The following MOV10L1 variants were observed in gnomAD, a reference collection of about 807,000 sequenced individuals.
The protein encoded by MOV10L1 is Mov10 like RNA helicase 1, also known as RNA helicase Mov10l1.
A neutral mutation model predicts 143.8 loss-of-function variants in MOV10L1; 110 were observed. The observed-to-expected ratio is 0.76, with a 90% CI of 0.66 to 0.90. The LOEUF (loss-of-function observed/expected upper bound fraction) is 0.90. MOV10L1 is among the 40% of genes least tolerant of loss of function. The probability of loss-of-function intolerance (pLI) is 0.00; values close to 1 mark genes in which losing one functional copy is unlikely to be tolerated. For synonymous variants in MOV10L1, 593 were observed against 581.1 expected, an observed-to-expected ratio of 1.02 and a Z score of -0.29; for missense variants, 1,406 against 1,526.8, an observed-to-expected ratio of 0.92 and a Z score of 1.32.
chr22:50,161,352 T>A lies in MOV10L1; in HGVS notation c.3555-16T>A. On this transcript the variant is annotated splice_polypyrimidine_tract_variant and intron_variant, in intron 26 of 26. Coordinates refer to ENST00000262794, the MANE Select transcript of MOV10L1 (RefSeq NM_018995.3). ...GAGCCTGGCTCACTGGCCATCCGCT[T>A]CTCCTCTGTCTACAGCTGTGGCGAG... 6.4e-7 allele frequency: 1 copy of A among 1,562,470 alleles called. No homozygotes were observed. Among genetic ancestry groups the A allele is most frequent in the Middle Eastern group, 1.7e-4 (1 of 5,918 alleles).
chr22:50,108,452 C>G (rs1455722043), intron 4 of MOV10L1: 5 of 753,520 alleles, frequency 6.6e-6, no homozygotes, highest in African/African-American at 3.5e-5. Flanking sequence ...TACCTGAATT[C>G]TAAGGTCTGT....
intron 3 of MOV10L1, among the ~76,000 whole-genome samples, chr22:50,102,052 G>A (rs1038283381): frequency 3.3e-5 from 5 of 152,144 alleles, no homozygotes; most frequent in African/African-American, 1.2e-4. Flanking sequence ...GAGAAGAGAA[G>A]GTGTCCCCTG....
intron 5 of MOV10L1, among the ~76,000 whole-genome samples, chr22:50,113,072 C>A (rs2062066383): frequency 6.6e-6 from 1 of 152,096 alleles, no homozygotes; most frequent in Non-Finnish European, 1.5e-5. Context: ...GGTTTACCTT[C>A]TGGAAAGAGG....
rs1788364297 is a variant in MOV10L1, at chr22:50,116,371, T to A, written c.1260-786T>A. 2.7e-5 allele frequency among the ~76,000 whole-genome samples: 4 copies of A among 147,642 alleles called. No individual in the cohort carries two copies. In the Admixed American group the frequency reaches 2.8e-4, roughly 10 times the overall value. On this transcript the variant is annotated intron_variant, in intron 8 of 26. Transcript: ENST00000262794. ...CTGAGGCAGGAGAATGGCGTGAACC[T>A]GGGAGGCGGAGCTTGCAGTGAGCCG...
intron 13 of MOV10L1, among the ~76,000 whole-genome samples, chr22:50,130,913 T>C (rs2147260735): frequency 6.6e-6 from 1 of 152,354 alleles, no homozygotes; most frequent in East Asian, 1.9e-4. Flanking sequence ...TTTCTTTTTT[T>C]TGAGACGGAG....
intron 8 of MOV10L1, among the ~76,000 whole-genome samples, chr22:50,116,395 C>T (rs111973355): frequency 5.4e-5 from 8 of 147,864 alleles, no homozygotes; most frequent in African/African-American, 1.5e-4. Context: ...TGCAGTGAGC[C>T]GAGATCACGC....
intron 2 of MOV10L1, among the ~76,000 whole-genome samples, chr22:50,098,739 TGCCTG>T (rs1477597999): frequency 6.6e-6 from 1 of 152,240 alleles, no homozygotes; most frequent in Non-Finnish European, 1.5e-5. Context: ...TGGGCATCCT[TGCCTG>T]GTTCCTGATC....
At chr22:50,115,435 C>G (rs1047222760) in intron 8 of MOV10L1, among the ~76,000 whole-genome samples, 189 bp downstream of exon 8, 3 of 152,116 alleles carry the variant, frequency 2.0e-5, no homozygotes, top group African/African-American at 7.2e-5. Context: ...CCCCTGTAGT[C>G]CTAGCTACTC....
intron 2 of MOV10L1, chr22:50,092,897 T>C (rs1436142220): frequency 6.6e-6 from 1 of 152,034 alleles, no homozygotes; most frequent in Admixed American, 6.6e-5. Context: ...TTCTTTTTCT[T>C]TTTGTTTTTG....
chr22:50,159,708 G>A lies in MOV10L1; in HGVS notation c.3247G>A (p.Val1083Ile). 6.2e-7 allele frequency: 1 copy of A among 1,612,836 alleles called. No homozygotes were observed. ...VEKIRILLRNVDLMDIKVGSV... is the reference protein window; with the variant it reads ...VEKIRILLRNIDLMDIKVGSV... ...GAAAATCAGAATTCTTTTGCGTAAT[G>A]TTGATCTGATGGATATAAAGGTTGG... is the stretch of plus-strand genomic sequence containing the variant. The change falls in exon 24 of 27, where the codon GTT (valine) becomes ATT (isoleucine). Residue 1083 changes from valine to isoleucine, a missense_variant. By Grantham distance (29) the Val-to-Ile change is conservative. Coordinates refer to ENST00000262794, the MANE Select transcript of MOV10L1 (RefSeq NM_018995.3). This position sits in a 1 kb window ranked among gnomAD's most constrained non-coding sequence, Gnocchi z 4.1.
chr22:50,137,841 CAT>C (rs201660381), intron 15 of MOV10L1, among the ~76,000 whole-genome samples: 1 of 80,266 alleles, frequency 1.2e-5, no homozygotes, highest in African/African-American at 3.8e-5. Context: ...TTTATATATA[CAT>C]ATATAAATAT....
chr22:50,153,125 C>T lies in MOV10L1; in HGVS notation c.2973C>T (p.Leu991=), dbSNP rs200727511. ...CACGGCTGTTCTACCACAGGGAACT[C>T]GAGGTCTGTGCGGACCCCACAGTGG... ...LPSRLFYHRE[L]EVCADPTVVT... is the part of the protein sequence containing the mutation. The change falls in exon 22 of 27, where the codon CTC becomes CTT. Residue 991 remains leucine (L), a synonymous_variant. Coordinates refer to ENST00000262794, the MANE Select transcript of MOV10L1 (RefSeq NM_018995.3). The T allele has an allele frequency of 5.0e-6, 8 of 1,613,986 alleles. No individual in the cohort carries two copies. The East Asian group carries it at 8.9e-5, about 18-fold the overall frequency.
intron 5 of MOV10L1, among the ~76,000 whole-genome samples, chr22:50,111,271 G>A (rs1248320257): frequency 6.6e-6 from 1 of 152,150 alleles, no homozygotes; most frequent in African/African-American, 2.4e-5. Context: ...TCACATGACT[G>A]AATACACATT....
At position 50,142,029 on chromosome 22, in the gene MOV10L1, A is replaced by T. The variant is rs529872325; in HGVS notation, c.2071-52A>T. 34 of 1,490,010 alleles carry T rather than the reference A, an allele frequency of 2.3e-5. No homozygotes were observed. The South Asian group carries it at 4.1e-4, about 18-fold the overall frequency. The allele number at this position is 1,490,010 out of a possible 1,614,324, so 92.3% of individuals were successfully genotyped here. ...TTACGTTTGCTCTTTCAACCAAGCC[A>T]GTGTAAACACAGCTGTTTTTTTAAA... On this transcript the variant is annotated intron_variant, in intron 15 of 26. Coordinates refer to ENST00000262794, the MANE Select transcript of MOV10L1 (RefSeq NM_018995.3).
chr22:50,101,493 C>A (rs1318659057), intron 3 of MOV10L1, among the ~76,000 whole-genome samples: 1 of 151,920 alleles, frequency 6.6e-6, no homozygotes, highest in Non-Finnish European at 1.5e-5. Flanking sequence ...GCATGAGCCA[C>A]TGCGCCTGAC....
At chr22:50,108,288 A>G (rs1207885250) in intron 4 of MOV10L1, 40 bp downstream of exon 4, 3 of 1,558,028 alleles carry the variant, frequency 1.9e-6, no homozygotes, top group South Asian at 1.2e-5. Flanking sequence ...TGCTTCTGGC[A>G]GACCTGCCAT....
At chr22:50,095,165 G>T (rs1319803276) in intron 2 of MOV10L1, 2 of 152,240 alleles carry the variant, frequency 1.3e-5, no homozygotes, top group Non-Finnish European at 2.9e-5. Context: ...CTTAGAGACT[G>T]TGAATGCAAA....
chr22:50,092,231 C>G (rs1315429885), intron 2 of MOV10L1, 46 bp downstream of exon 2: 14 of 1,548,650 alleles, frequency 9.0e-6, no homozygotes, highest in Admixed American at 1.7e-5. Flanking sequence ...CGCCACGGGA[C>G]TTTGTGTTGT....
rs775542421 is a variant in MOV10L1 at position 50,125,426 on chromosome 22, C to T, written c.1604C>T (p.Ser535Leu). 3.7e-6 allele frequency: 6 copies of T among 1,614,090 alleles called. No individual in the cohort carries two copies. The highest frequency in any genetic ancestry group is 3.3e-5 in the Admixed American group (2 of 60,010). ...LNMSNYKEKF[S>L]TLLWLEEIYA... ...ATGTCAAATTACAAGGAGAAGTTTT[C>T]GACTTTGCTGTGGCTTGAGGAGATT... Residue 535 changes from serine (S) to leucine (L), a missense_variant, in exon 11 of 27, where the codon TCG becomes TTG. By Grantham distance (145) the Ser-to-Leu change is moderately radical. Transcript: ENST00000262794.
Sources: allele counts gnomAD v4.1 joint callset (sites outside exome capture counted in the v4.1 genomes callset), GRCh38; gene constraint gnomAD v4.1.1; non-coding constraint Gnocchi (gnomAD v3.1); transcripts MANE v1.5; gene names NCBI Gene and HGNC (gene_info 2026-07-23, HGNC 2026-07-21).